WWOX: variants seen among roughly 807,000 people sequenced by gnomAD.
WWOX encodes WW domain-containing oxidoreductase.
In WWOX, 69 loss-of-function variants were observed where a neutral mutation model predicts 46.2. The ratio of observed to expected loss-of-function variants is 1.49; its 90% CI spans 1.23 to 1.82. The LOEUF (loss-of-function observed/expected upper bound fraction) is 1.82, where lower values mean the gene tolerates loss of function less well. WWOX is among the 40% of genes most tolerant of loss of function. The pLI is 0.00. For missense variants in WWOX, 919 were observed against 542.6 expected, an observed-to-expected ratio of 1.69 and a Z score of -6.89; for synonymous variants, 359 against 202.6, an observed-to-expected ratio of 1.77 and a Z score of -6.56.
chr16:78,454,609 G>A (rs550758335), intron 8 of WWOX, among the ~76,000 whole-genome samples: 10 of 152,238 alleles, frequency 6.6e-5, no homozygotes, highest in East Asian at 3.9e-4. Context: ...AGGATCAAGC[G>A]ATTCTCCTGC....
chr16:78,499,847 T>A (rs2085016948), intron 8 of WWOX, among the ~76,000 whole-genome samples: 1 of 152,202 alleles, frequency 6.6e-6, no homozygotes. Context: ...ACCTTGAATT[T>A]CATGCCATGG....
chr16:79,037,863 G>C (rs904783187), intron 8 of WWOX, among the ~76,000 whole-genome samples: 1 of 151,990 alleles, frequency 6.6e-6, no homozygotes, highest in Non-Finnish European at 1.5e-5. Flanking sequence ...CTGCTCTCTG[G>C]GTGGCCGACT....
At chr16:78,340,107 G>A (rs2080984013) in intron 5 of WWOX, among the ~76,000 whole-genome samples, 1 of 102,118 alleles carries the variant, frequency 9.8e-6, no homozygotes, top group South Asian at 3.2e-4. Flanking sequence ...ACTCTCTGAT[G>A]TTAATGATAA....
rs59419812 is a variant in WWOX, at chr16:78,498,214, A to AAAAAAG, written c.1056+65466_1056+65467insAGAAAA. On this transcript the variant is annotated intron_variant, in intron 8 of 8. Transcript: ENST00000566780. Reference sequence around the variant, plus strand: ...AGCAAGACTCCATCTCAAAAAAAAAAAAAAGAAAAAAAAGCATCAGGGTTG... The same window carrying AAAAAAG: ...AGCAAGACTCCATCTCAAAAAAAAAAAAAAAGAAAAGAAAAAAAAGCATCAGGGTTG... Among the ~76,000 whole-genome samples, 15 of 128,190 alleles carry AAAAAAG rather than the reference A, an allele frequency of 1.2e-4. 5 individuals are homozygous for AAAAAAG. Among genetic ancestry groups the AAAAAAG allele is most frequent in the Admixed American group, 2.7e-4 (3 of 11,174 alleles). 84.1% of individuals were successfully genotyped at this position (128,190 alleles called of 152,430 possible).
At chr16:79,092,966 G>C (rs1597368701) in intron 8 of WWOX, among the ~76,000 whole-genome samples, 2 of 152,218 alleles carry the variant, frequency 1.3e-5, no homozygotes, top group Admixed American at 1.3e-4. Flanking sequence ...TTCTAGTTAG[G>C]TTGGAGCAAA....
chr16:78,994,709 G>A (rs922437857), intron 8 of WWOX, among the ~76,000 whole-genome samples: 1 of 152,038 alleles, frequency 6.6e-6, no homozygotes, highest in Admixed American at 6.6e-5. Context: ...ATCAAAAGGG[G>A]GAAAAAACTC....
intron 8 of WWOX, among the ~76,000 whole-genome samples, chr16:78,718,453 C>T (rs532947867): frequency 1.3e-5 from 2 of 152,030 alleles, no homozygotes; most frequent in African/African-American, 4.8e-5. Flanking sequence ...AACTTTATAA[C>T]TGAATAGGAG....
chr16:78,595,125 A>T (rs1436240366), intron 8 of WWOX, among the ~76,000 whole-genome samples: 1 of 152,216 alleles, frequency 6.6e-6, no homozygotes, highest in Non-Finnish European at 1.5e-5. Context: ...AGAAGAAGAC[A>T]TTGCAAACCT....
intron 8 of WWOX, among the ~76,000 whole-genome samples, chr16:79,059,145 C>T (rs1799823990): frequency 6.6e-6 from 1 of 152,120 alleles, no homozygotes; most frequent in Non-Finnish European, 1.5e-5. Flanking sequence ...GAGTCATAAA[C>T]AGGTGGGAGA....
chr16:79,147,693 A>G (rs2050206408), intron 8 of WWOX, among the ~76,000 whole-genome samples: 1 of 152,164 alleles, frequency 6.6e-6, no homozygotes, highest in Admixed American at 6.5e-5. Context: ...GCTATTTTAC[A>G]TTTCCACCAG....
At chr16:78,473,155 A>T (rs756491243) in intron 8 of WWOX, among the ~76,000 whole-genome samples, 21 of 152,196 alleles carry the variant, frequency 1.4e-4, no homozygotes, top group Non-Finnish European at 2.9e-5. Context: ...TTTGAGACCG[A>T]GTCTCACTCT....
At chr16:78,690,625 A>G (rs964856317) in intron 8 of WWOX, among the ~76,000 whole-genome samples, 1 of 152,072 alleles carries the variant, frequency 6.6e-6, no homozygotes, top group Non-Finnish European at 1.5e-5. Context: ...GGGCACACAC[A>G]TGAATATATT....
At chr16:78,645,709 T>C (rs184562285) in intron 8 of WWOX, among the ~76,000 whole-genome samples, 31 of 152,252 alleles carry the variant, frequency 2.0e-4, no homozygotes, top group Non-Finnish European at 3.8e-4. Context: ...TCCACCCCCG[T>C]AACCTAGACT....
chr16:78,779,758 C>A lies in WWOX; in HGVS notation c.1056+347006C>A, dbSNP rs553611907. On this transcript the variant is annotated intron_variant, in intron 8 of 8. Transcript: ENST00000566780. ...ATGTGAGAGACATTCTTGTCCTAGG[C>A]AGCACGTTGGTGGCAGAGGTGGGAT... 1.2e-3 allele frequency among the ~76,000 whole-genome samples: 187 copies of A among 152,220 alleles called. 1 individual carries two copies. Among genetic ancestry groups the A allele is most frequent in the African/African-American group, 4.4e-3 (183 of 41,538 alleles).
At chr16:78,969,852 G>C (rs1299303675) in intron 8 of WWOX, among the ~76,000 whole-genome samples, 1 of 152,180 alleles carries the variant, frequency 6.6e-6, no homozygotes, top group East Asian at 1.9e-4. Flanking sequence ...ATGGGGCGTG[G>C]ATGGAGGCAT....
At chr16:78,956,781 C>T (rs1270576824) in intron 8 of WWOX, among the ~76,000 whole-genome samples, 2 of 152,234 alleles carry the variant, frequency 1.3e-5, no homozygotes, top group South Asian at 2.1e-4. Context: ...AGCCTCAGAC[C>T]TGTAGGGGAA....
intron 6 of WWOX, among the ~76,000 whole-genome samples, chr16:78,419,202 C>G (rs2082867599): frequency 6.6e-6 from 1 of 152,120 alleles, no homozygotes; most frequent in African/African-American, 2.4e-5. Flanking sequence ...TATTGTATAG[C>G]TGACCAAACT....
intron 8 of WWOX, among the ~76,000 whole-genome samples, chr16:79,168,604 G>A (rs576670707): frequency 1.3e-5 from 2 of 151,906 alleles, no homozygotes; most frequent in Non-Finnish European, 2.9e-5. Context: ...AATGTGGAGG[G>A]AGGCAAGAGA....
chr16:78,763,290 C>G (rs988785175), intron 8 of WWOX, among the ~76,000 whole-genome samples: 13 of 152,234 alleles, frequency 8.5e-5, no homozygotes, highest in Non-Finnish European at 4.4e-5. Context: ...TTTTCATTCT[C>G]ATTAATTCAA....
Sources: allele counts gnomAD v4.1 joint callset (sites outside exome capture counted in the v4.1 genomes callset), GRCh38; gene constraint gnomAD v4.1.1; transcripts MANE v1.5; gene names NCBI Gene and HGNC (gene_info 2026-07-23, HGNC 2026-07-21).